Variants in KIAA0825 observed in about 807,000 individuals in gnomAD.
KIAA0825 encodes uncharacterized protein KIAA0825.
In KIAA0825, 119 loss-of-function variants were observed where a neutral mutation model predicts 147.6. The observed-to-expected ratio is 0.81, with a 90% CI of 0.69 to 0.94. KIAA0825 has a LOEUF of 0.94. Among genes scored for constraint, KIAA0825 ranks in the 40% least tolerant of loss-of-function variants. The pLI is 0.00. For synonymous variants in KIAA0825, 470 were observed against 518.1 expected, an observed-to-expected ratio of 0.91 and a Z score of 1.26; for missense variants, 1,381 against 1,472.7, an observed-to-expected ratio of 0.94 and a Z score of 1.02.
At chr5:94,511,189 T>C (rs1766424923) in intron 5 of KIAA0825, among the ~76,000 whole-genome samples, 1 of 152,190 alleles carries the variant, frequency 6.6e-6, no homozygotes, top group African/African-American at 2.4e-5. Context: ...GGTGCCTTGA[T>C]CTTGAACTTG....
intron 5 of KIAA0825, among the ~76,000 whole-genome samples, chr5:94,492,961 G>A (rs772236424): frequency 1.3e-5 from 2 of 152,090 alleles, no homozygotes; most frequent in Non-Finnish European, 2.9e-5. Flanking sequence ...TCAAAACACT[G>A]GTTTTGTTTG....
intron 20 of KIAA0825, among the ~76,000 whole-genome samples, chr5:94,217,591 T>C (rs954963192): frequency 6.6e-6 from 1 of 152,220 alleles, no homozygotes; most frequent in Non-Finnish European, 1.5e-5. Context: ...ACAGTCTTGA[T>C]TTAAATTTTG....
intron 20 of KIAA0825, among the ~76,000 whole-genome samples, chr5:94,356,481 G>A (rs909943985): frequency 2.6e-5 from 4 of 151,018 alleles, no homozygotes; most frequent in South Asian, 2.1e-4. Context: ...GTGTGGTCGC[G>A]GGCGCCTGTA....
intron 20 of KIAA0825, among the ~76,000 whole-genome samples, chr5:94,333,711 A>T (rs1455205402): frequency 6.6e-6 from 1 of 152,060 alleles, no homozygotes; most frequent in Non-Finnish European, 1.5e-5. Flanking sequence ...GCTATACAGG[A>T]TCTTTTTTGG....
At chr5:94,580,989 T>C (rs570213484) in intron 2 of KIAA0825, among the ~76,000 whole-genome samples, 5 of 150,846 alleles carry the variant, frequency 3.3e-5, no homozygotes, top group Non-Finnish European at 5.9e-5. Flanking sequence ...AATAATAAGA[T>C]TTTACCAAAA....
chr5:94,293,734 G>T (rs186744907), intron 20 of KIAA0825, among the ~76,000 whole-genome samples: 1 of 152,102 alleles, frequency 6.6e-6, no homozygotes, highest in African/African-American at 2.4e-5. Context: ...CAGTATTATC[G>T]TGAGGGAGTC....
intron 20 of KIAA0825, among the ~76,000 whole-genome samples, chr5:94,188,581 G>A (rs1033493158): frequency 2.0e-5 from 3 of 151,766 alleles, no homozygotes; most frequent in Non-Finnish European, 4.4e-5. Flanking sequence ...TTTGAGATTC[G>A]TTCACATTTT....
intron 5 of KIAA0825, among the ~76,000 whole-genome samples, chr5:94,514,093 T>A (rs573678824): frequency 2.0e-5 from 3 of 152,254 alleles, no homozygotes; most frequent in African/African-American, 7.2e-5. Context: ...TATAGATGCA[T>A]CTTGCAACCA....
At chr5:94,475,877 T>C (rs1761833977) in intron 7 of KIAA0825, among the ~76,000 whole-genome samples, 1 of 152,170 alleles carries the variant, frequency 6.6e-6, no homozygotes, top group African/African-American at 2.4e-5. Flanking sequence ...CAATAGTTTA[T>C]TTGTTCTTAT....
chr5:94,480,200 A>G (rs1762342318), intron 6 of KIAA0825, among the ~76,000 whole-genome samples: 1 of 152,080 alleles, frequency 6.6e-6, no homozygotes, highest in Admixed American at 6.6e-5. Context: ...CTGTCCATCA[A>G]TGAATAACTG....
At chr5:94,483,587 G>T (rs1363135375) in intron 6 of KIAA0825, among the ~76,000 whole-genome samples, 1 of 151,220 alleles carries the variant, frequency 6.6e-6, no homozygotes, top group Non-Finnish European at 1.5e-5. Flanking sequence ...TTTTTTTGGG[G>T]GGGTTTTTTT....
At chr5:94,325,967 G>A (rs1199019806) in intron 20 of KIAA0825, among the ~76,000 whole-genome samples, 2 of 151,468 alleles carry the variant, frequency 1.3e-5, no homozygotes, top group South Asian at 4.2e-4. Flanking sequence ...CATAACAAAG[G>A]TAATAATACT....
At chr5:94,605,982 C>A (rs145627731) in intron 1 of KIAA0825, among the ~76,000 whole-genome samples, 20 of 152,150 alleles carry the variant, frequency 1.3e-4, no homozygotes, top group African/African-American at 4.3e-4. Context: ...TATCTGTTTG[C>A]GGATGACATG....
In KIAA0825 at chr5:94,187,851, C is replaced by T. The variant is rs141112091; in HGVS notation, c.3711-33727G>A. Among the ~76,000 whole-genome samples the T allele has an allele frequency of 6.3e-4, 96 of 152,304 alleles. 1 individual carries two copies. Among genetic ancestry groups the T allele is most frequent in the African/African-American group, 2.3e-3 (94 of 41,562 alleles). ...TCTTAAGTTAACACAACAGCCTCAA[C>T]TGTCAAAGAAAACAAATGGAGCACA... On this transcript the variant is annotated intron_variant, in intron 20 of 20. Coordinates refer to ENST00000682413, the MANE Select transcript of KIAA0825 (RefSeq NM_001145678.3).
Position 94,462,465 on chromosome 5 carries a change from A to T in KIAA0825, c.2168T>A (p.Ile723Asn). The part of the protein sequence containing the change: ...LNPHQHTDDK[I>N]FKIHTHCNNL... ...ATTACAATGAGTGTGAATTTTAAAA[A>T]TTTTATCATCTGTATGCTGATGAGG... The change falls in exon 12 of 21, where the codon ATT (isoleucine) becomes AAT (asparagine). Residue 723 changes from isoleucine (I) to asparagine (N), a missense_variant. Coordinates refer to ENST00000682413, the MANE Select transcript of KIAA0825 (RefSeq NM_001145678.3). The T allele has an allele frequency of 6.5e-7, 1 of 1,536,048 alleles. No individual in the cohort carries two copies. The highest frequency in any genetic ancestry group is 8.8e-7 in the Non-Finnish European group (1 of 1,134,404).
chr5:94,262,249 A>T (rs775077031), intron 20 of KIAA0825, among the ~76,000 whole-genome samples: 1 of 152,226 alleles, frequency 6.6e-6, no homozygotes, highest in Non-Finnish European at 1.5e-5. Context: ...GATATTTTTA[A>T]CCTATCAAAT....
chr5:94,320,919 A>T (rs1003422239), intron 20 of KIAA0825, among the ~76,000 whole-genome samples: 1 of 152,084 alleles, frequency 6.6e-6, no homozygotes, highest in Admixed American at 6.6e-5. Context: ...AGCAGTTAAG[A>T]CTTTTAAAAG....
intron 2 of KIAA0825, among the ~76,000 whole-genome samples, chr5:94,546,569 GA>G (rs1774424200): frequency 6.6e-6 from 1 of 151,960 alleles, no homozygotes; most frequent in African/African-American, 2.4e-5. Flanking sequence ...GAAAGTAAGG[GA>G]GGAGAACATG....
intron 5 of KIAA0825, among the ~76,000 whole-genome samples, chr5:94,504,617 A>G (rs1489339339): frequency 2.6e-5 from 4 of 152,182 alleles, no homozygotes; most frequent in African/African-American, 7.2e-5. Flanking sequence ...ATTGAAAAAA[A>G]GTATATATAT....
Sources: allele counts gnomAD v4.1 joint callset (sites outside exome capture counted in the v4.1 genomes callset), GRCh38; gene constraint gnomAD v4.1.1; transcripts MANE v1.5; gene names NCBI Gene and HGNC (gene_info 2026-07-23, HGNC 2026-07-21).